The following MSH4 variants were observed in gnomAD, a reference collection of about 807,000 sequenced individuals.
MSH4 encodes the protein mutS homolog 4.
In MSH4, 106 loss-of-function variants were observed where a neutral mutation model predicts 113.7. The ratio of observed to expected loss-of-function variants is 0.93; its 90% CI spans 0.80 to 1.10. The LOEUF (loss-of-function observed/expected upper bound fraction) is 1.10. Among genes scored for constraint, MSH4 ranks in the 50% least tolerant of loss-of-function variants. The pLI is 0.00. For missense variants in MSH4, 1,061 were observed against 1,093.7 expected, an observed-to-expected ratio of 0.97 and a Z score of 0.42; for synonymous variants, 368 against 380.2, an observed-to-expected ratio of 0.97 and a Z score of 0.37.
At chr1:75,883,845 T>G in intron 15 of MSH4, 24 bp downstream of exon 15, 3 of 1,591,736 alleles carry the variant, frequency 1.9e-6, no homozygotes, top group Non-Finnish European at 2.6e-6. Flanking sequence ...TTATTTATAA[T>G]GACCAGTTTT....
At chr1:75,905,842 A>G (rs1332219174) in intron 19 of MSH4, among the ~76,000 whole-genome samples, 1 of 152,068 alleles carries the variant, frequency 6.6e-6, no homozygotes, top group African/African-American at 2.4e-5. Flanking sequence ...CTTGAAGTCT[A>G]TCTTATCTGA....
intron 14 of MSH4, 62 bp downstream of exon 14, chr1:75,881,432 T>C: frequency 2.0e-6 from 3 of 1,530,914 alleles, no homozygotes; most frequent in South Asian, 2.3e-5. Context: ...ATTCAAACAA[T>C]TTGATATAAT....
At chr1:75,867,725 T>TACATAC in intron 9 of MSH4, 137 bp downstream of exon 9, 2 of 602,326 alleles carry the variant, frequency 3.3e-6, no homozygotes, top group East Asian at 2.9e-5. Flanking sequence ...GTACATACTT[T>TACATAC]ACATACACAT....
chr1:75,883,193 G>T (rs1651974198), intron 14 of MSH4, among the ~76,000 whole-genome samples: 1 of 143,156 alleles, frequency 7.0e-6, no homozygotes, highest in African/African-American at 2.6e-5. Context: ...TTTTTGTAGA[G>T]ATAGGGTTTG....
chr1:75,895,260 A>G (rs1652346830), intron 17 of MSH4, among the ~76,000 whole-genome samples: 1 of 152,188 alleles, frequency 6.6e-6, no homozygotes, highest in Admixed American at 6.5e-5. Flanking sequence ...CCACAATGCA[A>G]TAAAGAAAGA....
chr1:75,839,730 C>T (rs1358616807), intron 7 of MSH4, among the ~76,000 whole-genome samples: 1 of 148,630 alleles, frequency 6.7e-6, no homozygotes, highest in Non-Finnish European at 1.5e-5. Flanking sequence ...AGTGAACAGG[C>T]AACCTACAAA....
chr1:75,911,660 A>G (rs1389929217), intron 19 of MSH4, among the ~76,000 whole-genome samples: 2 of 152,120 alleles, frequency 1.3e-5, no homozygotes, highest in African/African-American at 4.8e-5. Flanking sequence ...GTAAGCTTAG[A>G]GGCCTGGAAC....
In MSH4 at chr1:75,876,959, A is replaced by G. The variant is rs751877063; in HGVS notation, c.1329A>G (p.Thr443=). The G allele has an allele frequency of 1.1e-5, 17 of 1,563,262 alleles. No homozygotes were observed. In the South Asian group the frequency reaches 1.6e-4, roughly 15 times the overall value. Residue 443 remains threonine, a synonymous_variant, in exon 10 of 20, where the codon ACA becomes ACG. Coordinates refer to ENST00000263187, the MANE Select transcript of MSH4 (RefSeq NM_002440.4). ...PLKIAMKNCN[T]PLLRAYYGSL... ...AGATTGCTATGAAGAACTGTAACAC[A>G]CCTTTATTAAGAGCTTACTATGGTT...
At chr1:75,820,215 A>T (rs1650380101) in intron 6 of MSH4, among the ~76,000 whole-genome samples, 1 of 152,230 alleles carries the variant, frequency 6.6e-6, no homozygotes, top group Non-Finnish European at 1.5e-5. Flanking sequence ...ATTAGTGTGA[A>T]TATTGTAACT....
chr1:75,871,784 A>T (rs1651716500), intron 9 of MSH4, among the ~76,000 whole-genome samples: 1 of 152,244 alleles, frequency 6.6e-6, no homozygotes, highest in Admixed American at 6.5e-5. Flanking sequence ...TATGTCCAAC[A>T]ATGGTCATTA....
At position 75,824,349 on chromosome 1, in the gene MSH4, T is replaced by C. The variant is rs532889336; in HGVS notation, c.1162+1768T>C. Among the ~76,000 whole-genome samples, 3 of 152,352 alleles carry C rather than the reference T, an allele frequency of 2.0e-5. No homozygotes were observed. The South Asian group carries it at 6.2e-4, about 32-fold the overall frequency. ...TTTTTTTCTTGTAAATGTTTTTAAG[T>C]TCCTTGTGGATTCTGGATTTTAGAG... On this transcript the variant is annotated intron_variant, in intron 7 of 19. Transcript: ENST00000263187.
At chr1:75,896,306 A>G (rs1444561924) in intron 17 of MSH4, among the ~76,000 whole-genome samples, 2 of 150,256 alleles carry the variant, frequency 1.3e-5, no homozygotes, top group Non-Finnish European at 3.0e-5. Flanking sequence ...CCATAATTGC[A>G]TGAGCCAATT....
chr1:75,812,548 G>A (rs185888531), intron 4 of MSH4, among the ~76,000 whole-genome samples: 59 of 152,180 alleles, frequency 3.9e-4, no homozygotes, highest in Admixed American at 3.6e-3. Context: ...AAAAAAATTA[G>A]CCAGGCCTGG....
At chr1:75,867,031 G>A (rs1163707859) in intron 8 of MSH4, among the ~76,000 whole-genome samples, 1 of 151,928 alleles carries the variant, frequency 6.6e-6, no homozygotes, top group African/African-American at 2.4e-5. Context: ...GCTTTATTTT[G>A]GCAAACTATA....
rs191630032 is a variant in MSH4 at position 75,888,272 on chromosome 1, T to C, written c.2108-979T>C. On this transcript the variant is annotated intron_variant, in intron 15 of 19. Transcript: ENST00000263187. ...CATTTTACCTATACAGAATTCTGTATATGTGGTACGTTTCCCTTTCAACTA... is the reference window on the plus strand; with the variant it reads ...CATTTTACCTATACAGAATTCTGTACATGTGGTACGTTTCCCTTTCAACTA... 1.3e-4 allele frequency among the ~76,000 whole-genome samples: 20 copies of C among 151,998 alleles called. No individual in the cohort carries two copies. In the East Asian group the frequency reaches 3.3e-3, roughly 25 times the overall value.
At chr1:75,813,317 A>G (rs1650227267) in intron 4 of MSH4, among the ~76,000 whole-genome samples, 1 of 152,186 alleles carries the variant, frequency 6.6e-6, no homozygotes, top group Non-Finnish European at 1.5e-5. Flanking sequence ...CCAGAATCAC[A>G]TGGAATGGGG....
intron 15 of MSH4, among the ~76,000 whole-genome samples, chr1:75,885,045 G>T (rs1046398510): frequency 9.3e-6 from 1 of 107,800 alleles, no homozygotes; most frequent in African/African-American, 4.5e-5. Flanking sequence ...GTGTGTGTGT[G>T]TGTGTGTGTG....
chr1:75,824,904 G>GTTTTTTTTTT (rs71588855), intron 7 of MSH4, among the ~76,000 whole-genome samples: 48 of 120,216 alleles, frequency 4.0e-4, no homozygotes, highest in African/African-American at 7.0e-4. Flanking sequence ...CTTCAGCTTT[G>GTTTTTTTTTT]TTTTTTTTTT....
At chr1:75,829,539 A>G (rs1366540321) in intron 7 of MSH4, among the ~76,000 whole-genome samples, 1 of 152,236 alleles carries the variant, frequency 6.6e-6, no homozygotes, top group African/African-American at 2.4e-5. Flanking sequence ...ATCTCCCAGT[A>G]GGGGCCGACT....
Sources: gnomAD v4.1 joint callset for allele counts (sites outside exome capture counted in the v4.1 genomes callset) on GRCh38, gnomAD v4.1.1 for gene constraint, MANE v1.5 for transcripts, NCBI Gene and HGNC (gene_info 2026-07-23, HGNC 2026-07-21) for gene names.